IFI44: variants seen among roughly 807,000 people sequenced by gnomAD.
IFI44 encodes interferon-induced protein 44.
In IFI44, 42 loss-of-function variants were observed where a neutral mutation model predicts 45.0. The observed-to-expected ratio is 0.93, with a 90% CI of 0.73 to 1.21. IFI44 has a LOEUF of 1.21. Ranked by LOEUF, IFI44 falls within the 50% of genes most tolerant of loss-of-function variation. IFI44 has a pLI of 0.00. For missense variants in IFI44, 623 were observed against 525.8 expected, an observed-to-expected ratio of 1.18 and a Z score of -1.81; for synonymous variants, 221 against 188.6, an observed-to-expected ratio of 1.17 and a Z score of -1.41.
chr1:78,660,879 G>A (rs1343127454), intron 7 of IFI44: 9 of 518,000 alleles, frequency 1.7e-5, no homozygotes, highest in Non-Finnish European at 2.8e-5. Context: ...ATCTGTGGAT[G>A]CTTAATGGCA....
chr1:78,659,264 T>C, intron 5 of IFI44, 48 bp from the exon 6 acceptor site: 1 of 1,473,314 alleles, frequency 6.8e-7, no homozygotes, highest in Non-Finnish European at 9.4e-7. Flanking sequence ...TAGTTTGTGC[T>C]CATAAATATT....
intron 8 of IFI44, chr1:78,663,561 C>T: frequency 2.0e-6 from 2 of 985,268 alleles, no homozygotes; most frequent in Non-Finnish European, 2.4e-6. Context: ...TTCTCTCTTA[C>T]TCAAATTGCT....
chr1:78,653,661 C>T (rs944144880), intron 2 of IFI44, among the ~76,000 whole-genome samples: 7 of 152,252 alleles, frequency 4.6e-5, no homozygotes, highest in Non-Finnish European at 8.8e-5. Context: ...TACCCCTGAA[C>T]AATTTACTGT....
At chr1:78,662,092 T>G (rs966502358) in intron 7 of IFI44, among the ~76,000 whole-genome samples, 1 of 152,202 alleles carries the variant, frequency 6.6e-6, no homozygotes, top group Non-Finnish European at 1.5e-5. Context: ...GTGTACAGAA[T>G]AGATTGGAAT....
chr1:78,655,378 T>TTAAA lies in IFI44; in HGVS notation c.709_710insAATA (p.Arg237LysfsTer2), dbSNP rs1282307128. 6.2e-7 allele frequency: 1 copy of TTAAA among 1,612,570 alleles called. No homozygotes were observed. On this transcript the variant is annotated frameshift_variant, in exon 5 of 9. Transcript: ENST00000370747. LOFTEE classifies it high-confidence loss of function. ...CCTCTACAGTATAGGACATACTCTA[T>TTAAA]TAGAGACGGGAAAGATGGCAAATAC... is the stretch of plus-strand genomic sequence containing the variant.
intron 5 of IFI44, 40 bp from the exon 6 acceptor site, chr1:78,659,272 A>G: frequency 6.6e-7 from 1 of 1,526,170 alleles, no homozygotes. Context: ...GCTCATAAAT[A>G]TTTGTTGAAT....
rs1346639434 is a variant in IFI44 at position 78,664,032 on chromosome 1, G to A, written c.*221G>A. The A allele has an allele frequency of 8.2e-6, 3 of 365,810 alleles. No individual in the cohort carries two copies. Among genetic ancestry groups the A allele is most frequent in the African/African-American group, 4.2e-5 (2 of 47,642 alleles). 22.7% of individuals were successfully genotyped at this position (365,810 alleles called of 1,614,324 possible). On this transcript the variant is annotated 3_prime_UTR_variant, in exon 9 of 9. Coordinates refer to ENST00000370747, the MANE Select transcript of IFI44 (RefSeq NM_006417.5). ...TAATAATAATTTTTCTTGGATTTAT[G>A]TTCTGTATCTGTGAAAAAATAAATT...
chr1:78,659,448 A>C lies in IFI44; in HGVS notation c.977A>C (p.Lys326Thr), dbSNP rs200287075. Reference sequence around the variant, plus strand: ...TACTTCTCCTCTCAGATGATAGTAAAGATCAAAAGAATTCGAAGGGAGTTG... The same window carrying C: ...TACTTCTCCTCTCAGATGATAGTAACGATCAAAAGAATTCGAAGGGAGTTG... ...IQYFSSQMIVKIKRIRRELVN... is the reference protein window; with the variant it reads ...IQYFSSQMIVTIKRIRRELVN... The change falls in exon 6 of 9, where the codon AAG becomes ACG. Residue 326 changes from lysine (K) to threonine (T), a missense_variant. Coordinates refer to ENST00000370747, the MANE Select transcript of IFI44 (RefSeq NM_006417.5). 3.7e-6 allele frequency: 6 copies of C among 1,613,290 alleles called. No homozygotes were observed. The East Asian group carries it at 1.1e-4, about 30-fold the overall frequency.
intron 5 of IFI44, among the ~76,000 whole-genome samples, chr1:78,659,091 G>C (rs979971949): frequency 2.6e-5 from 4 of 152,018 alleles, no homozygotes; most frequent in Admixed American, 2.6e-4. Context: ...TTAGCTCTCA[G>C]ATTACATGTC....
At chr1:78,663,629 T>A in intron 8 of IFI44, 136 bp from the exon 9 acceptor site, 1 of 1,401,290 alleles carries the variant, frequency 7.1e-7, no homozygotes, top group Non-Finnish European at 9.3e-7. Context: ...GGTTTCCCCA[T>A]CCCTTCTCTT....
chr1:78,662,578 C>A (rs1387007877), intron 7 of IFI44, 126 bp from the exon 8 acceptor site: 2 of 694,142 alleles, frequency 2.9e-6, no homozygotes, highest in African/African-American at 1.8e-5. Flanking sequence ...GAGACCAGAT[C>A]TCCATTTTTT....
At position 78,650,638 on chromosome 1, in the gene IFI44, T is replaced by C. The variant is rs181906496; in HGVS notation, c.443T>C (p.Val148Ala). ...NCTISIQDYE[V>A]FRCEDSLDER... ...ACTATCTCTATTCAGGATTATGAAG[T>C]TTTTCGATGCGAAGGTAGGTTTAAT... Residue 148 changes from valine to alanine, a missense_variant, in exon 2 of 9, where the codon GTT becomes GCT. Val to Ala is a moderately conservative substitution (Grantham distance 64). Transcript: ENST00000370747. 9 of 1,583,864 alleles carry C rather than the reference T, an allele frequency of 5.7e-6. No homozygotes were observed. In the Admixed American group the frequency reaches 1.6e-4, roughly 29 times the overall value.
intron 5 of IFI44, among the ~76,000 whole-genome samples, chr1:78,659,056 C>T (rs1208173201): frequency 1.3e-5 from 2 of 152,022 alleles, no homozygotes; most frequent in African/African-American, 2.4e-5. Flanking sequence ...TCCTTATTCT[C>T]TTTAGCAGAC....
intron 7 of IFI44, 49 bp downstream of exon 7, chr1:78,660,703 C>T (rs760246658): frequency 1.8e-6 from 2 of 1,107,416 alleles, no homozygotes; most frequent in Non-Finnish European, 1.4e-6. Context: ...TATGTTACTA[C>T]AATCACATAC....
At chr1:78,657,814 T>C (rs1647255387) in intron 5 of IFI44, among the ~76,000 whole-genome samples, 1 of 152,168 alleles carries the variant, frequency 6.6e-6, no homozygotes, top group African/African-American at 2.4e-5. Flanking sequence ...ACATACATTG[T>C]GTGTTTCAAT....
chr1:78,660,228 G>C (rs1160292888), intron 6 of IFI44, among the ~76,000 whole-genome samples: 2 of 152,128 alleles, frequency 1.3e-5, no homozygotes, highest in Non-Finnish European at 2.9e-5. Context: ...TTTAGTCTCT[G>C]TCAAAACACA....
intron 2 of IFI44, among the ~76,000 whole-genome samples, chr1:78,652,167 C>T (rs1195556392): frequency 3.9e-5 from 6 of 152,104 alleles, no homozygotes; most frequent in African/African-American, 7.2e-5. Context: ...CTGCAACTTC[C>T]GCCCCGCGGG....
chr1:78,660,237 C>T (rs1647370181), intron 6 of IFI44, among the ~76,000 whole-genome samples: 1 of 152,156 alleles, frequency 6.6e-6, no homozygotes, highest in African/African-American at 2.4e-5. Flanking sequence ...TGTCAAAACA[C>T]AACTTCTGGA....
In IFI44 at chr1:78,655,366, G is replaced by T. The variant is rs374947983; in HGVS notation, c.695G>T (p.Arg232Met). The change falls in exon 5 of 9, where the codon AGG (arginine) becomes ATG (methionine). Residue 232 changes from arginine to methionine, a missense_variant. By Grantham distance (91) the Arg-to-Met change is moderately conservative. Coordinates refer to ENST00000370747, the MANE Select transcript of IFI44 (RefSeq NM_006417.5). ...TNTTGISEKY[R>M]TYSIRDGKDG... The stretch of plus-strand genomic sequence containing the variant: ...TTGCTTTTCTCCCCTCTACAGTATA[G>T]GACATACTCTATTAGAGACGGGAAA... 4.5e-5 allele frequency: 72 copies of T among 1,610,544 alleles called. 1 individual carries two copies. Among genetic ancestry groups the T allele is most frequent in the Non-Finnish European group, 5.8e-5 (68 of 1,178,700 alleles).
Sources: gnomAD v4.1 joint callset for allele counts (sites outside exome capture counted in the v4.1 genomes callset) on GRCh38, gnomAD v4.1.1 for gene constraint, MANE v1.5 for transcripts, NCBI Gene and HGNC (gene_info 2026-07-23, HGNC 2026-07-21) for gene names.